The following ADGRD1 variants were observed in gnomAD, a reference collection of about 807,000 sequenced individuals.
ADGRD1 encodes the protein G-protein coupled receptor 133.
A neutral mutation model predicts 113.4 loss-of-function variants in ADGRD1; 77 were observed. That is an observed-to-expected ratio of 0.68 (90% CI 0.57 to 0.82). The LOEUF is 0.82. ADGRD1 is among the 40% of genes least tolerant of loss of function. The pLI is 0.00. For synonymous variants in ADGRD1, 474 were observed against 475.0 expected, an observed-to-expected ratio of 1.00 and a Z score of 0.03; for missense variants, 1,036 against 1,139.1, an observed-to-expected ratio of 0.91 and a Z score of 1.30.
chr12:130,967,068 C>T (rs1392504137), intron 3 of ADGRD1: 5 of 454,798 alleles, frequency 1.1e-5, no homozygotes, highest in African/African-American at 4.0e-5. Context: ...GCAAGTCAGG[C>T]GTCTGTTTTC....
chr12:130,964,608 C>T (rs1178909817), intron 2 of ADGRD1, among the ~76,000 whole-genome samples: 1 of 152,166 alleles, frequency 6.6e-6, no homozygotes, highest in Non-Finnish European at 1.5e-5. Context: ...TTGCTTGAAC[C>T]CAGGAGGCGG....
At chr12:131,014,430 TCTCCAACAGC>T (rs771344681) in intron 13 of ADGRD1, 90 bp downstream of exon 13, 1 of 1,217,158 alleles carries the variant, frequency 8.2e-7, no homozygotes, top group Non-Finnish European at 1.2e-6. Context: ...GCATAAAGAA[TCTCCAACAGC>T]CTTGGTGCCG....
Position 130,991,011 on chromosome 12 carries a change from C to G in ADGRD1, c.746-3C>G, listed in dbSNP as rs778949442. ...GTCCTTAATCCAGCATTGTTTCTTCCAGGAAAGCATGCTTTATTGTCTTCA... is the reference window on the plus strand; with the variant it reads ...GTCCTTAATCCAGCATTGTTTCTTCGAGGAAAGCATGCTTTATTGTCTTCA... On this transcript the variant is annotated splice_region_variant and splice_polypyrimidine_tract_variant and intron_variant, in intron 6 of 24. Coordinates refer to ENST00000261654, the MANE Select transcript of ADGRD1 (RefSeq NM_198827.5). The G allele has an allele frequency of 6.2e-6, 10 of 1,613,360 alleles. No homozygotes were observed. Among genetic ancestry groups the G allele is most frequent in the Non-Finnish European group, 7.6e-6 (9 of 1,179,386 alleles).
At position 130,954,408 on chromosome 12, in the gene ADGRD1, G is replaced by C; in HGVS notation, c.-58G>C. On this transcript the variant is annotated 5_prime_UTR_variant, in exon 1 of 25. Transcript: ENST00000261654. This position sits in a 1 kb window ranked among gnomAD's most constrained non-coding sequence, Gnocchi z 4.7. ...AAGGAAGTGAAGGTTAAGAGGTCCC[G>C]TTCTCACAGACCCTCAGGAATTTCA... 5.6e-6 allele frequency: 8 copies of C among 1,437,382 alleles called. No homozygotes were observed. In the South Asian group the frequency reaches 1.1e-4, roughly 20 times the overall value. 89.0% of individuals were successfully genotyped at this position (1,437,382 alleles called of 1,614,324 possible).
At chr12:131,108,377 A>G (rs1029131573) in intron 17 of ADGRD1, among the ~76,000 whole-genome samples, 2 of 152,108 alleles carry the variant, frequency 1.3e-5, no homozygotes, top group African/African-American at 4.8e-5. Context: ...TCCCTGCCTT[A>G]GCCCCAGAAT....
chr12:131,011,877 C>CGTCTTAGGGCCTTGGA (rs1877948385), intron 12 of ADGRD1, among the ~76,000 whole-genome samples: 1 of 152,220 alleles, frequency 6.6e-6, no homozygotes, highest in Admixed American at 6.5e-5. Context: ...ACACACCACA[C>CGTCTTAGGGCCTTGGA]GTCTTAGGGC....
At position 131,124,595 on chromosome 12, in the gene ADGRD1, A is replaced by G. The variant is rs145696039; in HGVS notation, c.2175+3682A>G. Among the ~76,000 whole-genome samples the G allele has an allele frequency of 2.0e-4, 30 of 152,294 alleles. No individual in the cohort carries two copies. In the East Asian group the frequency reaches 5.8e-3, roughly 29 times the overall value. On this transcript the variant is annotated intron_variant, in intron 20 of 24. Transcript: ENST00000261654. ...GGGCCTGCTGGGCCTAGGGTTGAGG[A>G]GAAAAGGGCAGAGCCTAGCCACTTC...
At position 131,041,036 on chromosome 12, in the gene ADGRD1, G is replaced by T. The variant is rs1882084842; in HGVS notation, c.1473+26696G>T. ...CGGAGTTTGCCATCATCCCCACCTG[G>T]ATGGTCCCTGGGGACATCTGAGTTG... On this transcript the variant is annotated intron_variant, in intron 13 of 24. Coordinates refer to ENST00000261654, the MANE Select transcript of ADGRD1 (RefSeq NM_198827.5). The surrounding 1 kb of genome is among the most constrained non-coding windows in gnomAD (Gnocchi z 4.4). Among the ~76,000 whole-genome samples, 1 of 152,204 alleles carries T rather than the reference G, an allele frequency of 6.6e-6. No individual in the cohort carries two copies.
At chr12:131,131,063 TC>T (rs1432974578) in intron 20 of ADGRD1, among the ~76,000 whole-genome samples, 1 of 152,140 alleles carries the variant, frequency 6.6e-6, no homozygotes, top group Non-Finnish European at 1.5e-5. Flanking sequence ...AGGGGGTTCT[TC>T]CCCATGCTGT....
rs558175291 is a variant in ADGRD1 at position 131,104,625 on chromosome 12, G to A, written c.1672-206G>A. On this transcript the variant is annotated intron_variant, in intron 15 of 24. Transcript: ENST00000261654. The stretch of plus-strand genomic sequence containing the variant: ...GTTCTGTAGGGCACCTCGGGGCACC[G>A]GACATGCACGCACAGAACCAGGGCT... Among the ~76,000 whole-genome samples, 24 of 152,144 alleles carry A rather than the reference G, an allele frequency of 1.6e-4. No homozygotes were observed. In the South Asian group the frequency reaches 1.7e-3, roughly 11 times the overall value.
intron 15 of ADGRD1, among the ~76,000 whole-genome samples, chr12:131,099,349 G>GAGTCAACATTTAACACAGGTTGC (rs1353335475): frequency 1.3e-5 from 2 of 152,194 alleles, no homozygotes; most frequent in African/African-American, 2.4e-5. Flanking sequence ...GGTCGTGGTG[G>GAGTCAACATTTAACACAGGTTGC]AGTCAACATT....
rs1395035097 is a variant in ADGRD1, at chr12:131,060,059, C to T, written c.1474-16742C>T. Among the ~76,000 whole-genome samples the T allele has an allele frequency of 6.6e-6, 1 of 152,268 alleles. No individual in the cohort carries two copies. The highest frequency in any genetic ancestry group is 6.5e-5 in the Admixed American group (1 of 15,292). On this transcript the variant is annotated intron_variant, in intron 13 of 24. Transcript: ENST00000261654. The surrounding 1 kb of genome is among the most constrained non-coding windows in gnomAD (Gnocchi z 4.4). ...CTGGGAAGGGCCATGTGCCGCAGTA[C>T]TGCGGCGTGGGGGTGAAAGTCCGAG...
At chr12:131,048,149 C>T (rs889720529) in intron 13 of ADGRD1, among the ~76,000 whole-genome samples, 1 of 152,246 alleles carries the variant, frequency 6.6e-6, no homozygotes, top group African/African-American at 2.4e-5. Flanking sequence ...AGAGCTCTCT[C>T]TGGCCCTGCC....
intron 15 of ADGRD1, among the ~76,000 whole-genome samples, chr12:131,097,897 C>G (rs988275083): frequency 2.5e-4 from 38 of 152,352 alleles, no homozygotes; most frequent in Admixed American, 1.6e-3. Context: ...CTCTGCCCTA[C>G]GCTTGGCTTC....
chr12:131,044,209 G>A (rs981656821), intron 13 of ADGRD1, among the ~76,000 whole-genome samples: 2 of 152,242 alleles, frequency 1.3e-5, no homozygotes, highest in East Asian at 3.8e-4. Flanking sequence ...GGGAAGTGGT[G>A]TTAGGACCAT....
chr12:131,133,628 G>T (rs1230180264), intron 21 of ADGRD1, among the ~76,000 whole-genome samples: 1 of 152,174 alleles, frequency 6.6e-6, no homozygotes, highest in Non-Finnish European at 1.5e-5. Context: ...GGGACAGACC[G>T]CTCTGGGTCC....
intron 9 of ADGRD1, among the ~76,000 whole-genome samples, chr12:131,001,008 G>A (rs894207653): frequency 1.3e-5 from 2 of 152,114 alleles, no homozygotes; most frequent in African/African-American, 4.8e-5. Context: ...TCCTAAACAT[G>A]GAAGAAGGAA....
In ADGRD1 at chr12:131,105,885, T is replaced by C. The variant is rs1272347805; in HGVS notation, c.1887+20T>C. 1 of 1,550,244 alleles carries C rather than the reference T, an allele frequency of 6.5e-7. No individual in the cohort carries two copies. The highest frequency in any genetic ancestry group is 1.1e-5 in the South Asian group (1 of 88,040). On this transcript the variant is annotated intron_variant, in intron 17 of 24. Coordinates refer to ENST00000261654, the MANE Select transcript of ADGRD1 (RefSeq NM_198827.5). ...GGCACGGTGAGTGGGCGCAGCTCCG[T>C]GTTCCTGCGCTGTCCTTCCCTTGCC...
In ADGRD1 at chr12:131,022,600, G is replaced by A. The variant is rs1415175804; in HGVS notation, c.1473+8260G>A. The stretch of plus-strand genomic sequence containing the variant: ...CGGATTCTGTTGCTCCCGTTGTCGC[G>A]GCCGTGACCGTCGGGAGCTCTGTCC... On this transcript the variant is annotated intron_variant, in intron 13 of 24. Transcript: ENST00000261654. The surrounding 1 kb of genome is among the most constrained non-coding windows in gnomAD (Gnocchi z 4.6). Among the ~76,000 whole-genome samples the A allele has an allele frequency of 6.6e-6, 1 of 152,118 alleles. No individual in the cohort carries two copies. Among genetic ancestry groups the A allele is most frequent in the Non-Finnish European group, 1.5e-5 (1 of 68,040 alleles).
Sources: allele counts gnomAD v4.1 joint callset (sites outside exome capture counted in the v4.1 genomes callset), GRCh38; gene constraint gnomAD v4.1.1; non-coding constraint Gnocchi (gnomAD v3.1); transcripts MANE v1.5; gene names NCBI Gene and HGNC (gene_info 2026-07-23, HGNC 2026-07-21).